Variants in SPACA7 observed in about 807,000 individuals in gnomAD.
SPACA7 encodes sperm acrosome associated 7.
SPACA7 carries 19 observed loss-of-function variants against 26.3 expected under a neutral mutation model. The ratio of observed to expected loss-of-function variants is 0.72; its 90% CI spans 0.50 to 1.06. SPACA7 has a LOEUF of 1.06. Ranked by LOEUF, SPACA7 falls within the 50% of genes least tolerant of loss-of-function variation. The pLI, the probability that SPACA7 is intolerant of heterozygous loss-of-function variation, is 0.00. For synonymous variants in SPACA7, 84 were observed against 84.5 expected, an observed-to-expected ratio of 0.99 and a Z score of 0.04; for missense variants, 211 against 229.9, an observed-to-expected ratio of 0.92 and a Z score of 0.53.
chr13:112,430,654 C>T (rs1009418446), intron 5 of SPACA7, among the ~76,000 whole-genome samples: 2 of 152,158 alleles, frequency 1.3e-5, no homozygotes, highest in East Asian at 1.9e-4. Flanking sequence ...AGCCTCAGTG[C>T]CCTTAGGAAG....
intron 5 of SPACA7, among the ~76,000 whole-genome samples, chr13:112,421,876 G>A (rs531379718): frequency 1.1e-4 from 16 of 152,150 alleles, no homozygotes; most frequent in Admixed American, 3.3e-4. Context: ...ACCAAATACC[G>A]CATGTTCTGA....
At position 112,383,372 on chromosome 13, in the gene SPACA7, C is replaced by G. The variant is rs1319968263; in HGVS notation, c.94+6893C>G. Among the ~76,000 whole-genome samples the G allele has an allele frequency of 3.3e-5, 5 of 152,062 alleles. No homozygotes were observed. The East Asian group carries it at 9.6e-4, about 29-fold the overall frequency. ...TTTTGGAAGCATAATTTTTCTCTCT[C>G]CAGTCCCTATTTTTTAAAGAAAAAC... On this transcript the variant is annotated intron_variant, in intron 1 of 6. Transcript: ENST00000283550.
At chr13:112,407,207 C>T (rs1178700660) in intron 5 of SPACA7, among the ~76,000 whole-genome samples, 2 of 152,180 alleles carry the variant, frequency 1.3e-5, no homozygotes, top group Admixed American at 6.5e-5. Flanking sequence ...TTCTGGGACA[C>T]ATTTAAAGCA....
chr13:112,409,519 G>GA (rs1414313530), intron 5 of SPACA7, among the ~76,000 whole-genome samples: 86 of 147,518 alleles, frequency 5.8e-4, no homozygotes, highest in Admixed American at 5.7e-3. Context: ...AAATTTACAA[G>GA]AAAAAAACAA....
chr13:112,390,126 G>A (rs1884781208), intron 1 of SPACA7, among the ~76,000 whole-genome samples: 1 of 127,984 alleles, frequency 7.8e-6, no homozygotes, highest in African/African-American at 2.6e-5. Flanking sequence ...GAAGAGAAGG[G>A]TGTAATGGGG....
chr13:112,427,724 T>C (rs951144887), intron 5 of SPACA7, among the ~76,000 whole-genome samples: 2 of 152,238 alleles, frequency 1.3e-5, no homozygotes, highest in Non-Finnish European at 2.9e-5. Flanking sequence ...ATTTATTTAA[T>C]AGATAGAGAG....
At chr13:112,384,096 A>G (rs1334611466) in intron 1 of SPACA7, among the ~76,000 whole-genome samples, 1 of 152,192 alleles carries the variant, frequency 6.6e-6, no homozygotes, top group Non-Finnish European at 1.5e-5. Flanking sequence ...TTAGTTTTCC[A>G]TAAGAGTTCT....
intron 5 of SPACA7, among the ~76,000 whole-genome samples, chr13:112,403,227 T>C (rs1458215827): frequency 6.6e-6 from 1 of 152,186 alleles, no homozygotes; most frequent in Non-Finnish European, 1.5e-5. Flanking sequence ...CCCTAGGAAG[T>C]TATCCACTTC....
chr13:112,395,909 AC>A (rs2138932418), intron 2 of SPACA7, among the ~76,000 whole-genome samples: 1 of 152,128 alleles, frequency 6.6e-6, no homozygotes, highest in Non-Finnish European at 1.5e-5. Flanking sequence ...CTTCATCTCT[AC>A]CTAAAGCGTT....
chr13:112,395,885 G>C (rs1272924741), intron 2 of SPACA7, among the ~76,000 whole-genome samples: 2 of 152,184 alleles, frequency 1.3e-5, no homozygotes, highest in Non-Finnish European at 2.9e-5. Flanking sequence ...TCCTAACCTT[G>C]TTCCACCTGC....
chr13:112,378,474 GAATGGT>G (rs1304212907), intron 1 of SPACA7, among the ~76,000 whole-genome samples: 2 of 152,160 alleles, frequency 1.3e-5, no homozygotes, highest in Admixed American at 6.5e-5. Context: ...AGTGCAGCAA[GAATGGT>G]AATGGACCAC....
At chr13:112,415,912 C>T (rs1365862828) in intron 5 of SPACA7, among the ~76,000 whole-genome samples, 1 of 152,072 alleles carries the variant, frequency 6.6e-6, no homozygotes, top group African/African-American at 2.4e-5. Context: ...GGCCTGGAAT[C>T]AAGGACCACG....
intron 5 of SPACA7, among the ~76,000 whole-genome samples, chr13:112,420,610 G>A (rs1021580464): frequency 6.6e-6 from 1 of 152,018 alleles, no homozygotes; most frequent in Non-Finnish European, 1.5e-5. Context: ...ACATATCATT[G>A]AAATCACAGA....
At chr13:112,417,171 T>G (rs1393603772) in intron 5 of SPACA7, among the ~76,000 whole-genome samples, 1 of 152,186 alleles carries the variant, frequency 6.6e-6, no homozygotes, top group East Asian at 1.9e-4. Context: ...TCACCTATTA[T>G]TTTTCTATAA....
In SPACA7 at chr13:112,376,540, C is replaced by T. The variant is rs888426690; in HGVS notation, c.94+61C>T. 3.9e-6 allele frequency: 6 copies of T among 1,551,070 alleles called. No individual in the cohort carries two copies. In the African/African-American group the frequency reaches 4.1e-5, roughly 11 times the overall value. ...ACTGAACCAGGTGGGGAGCGGCGGC[C>T]TCTTCTCCCATGGGTTCCTCTTATT... On this transcript the variant is annotated intron_variant, in intron 1 of 6. Coordinates refer to ENST00000283550, the MANE Select transcript of SPACA7 (RefSeq NM_145248.5).
At chr13:112,384,374 G>A (rs1884396857) in intron 1 of SPACA7, among the ~76,000 whole-genome samples, 1 of 151,866 alleles carries the variant, frequency 6.6e-6, no homozygotes, top group Admixed American at 6.6e-5. Context: ...AATTATAGGA[G>A]TTTTACATAA....
chr13:112,397,938 T>A, intron 2 of SPACA7, 111 bp from the exon 3 acceptor site: 1 of 548,180 alleles, frequency 1.8e-6, no homozygotes, highest in Non-Finnish European at 3.1e-6. Context: ...TTCCTGTTTG[T>A]ACAGGAACTG....
intron 5 of SPACA7, among the ~76,000 whole-genome samples, chr13:112,408,499 C>A (rs1377730495): frequency 6.6e-6 from 1 of 151,838 alleles, no homozygotes; most frequent in Non-Finnish European, 1.5e-5. Context: ...TCTCCTTAAG[C>A]TGATAAGCAA....
At position 112,393,059 on chromosome 13, in the gene SPACA7, G is replaced by A. The variant is rs1479035163; in HGVS notation, c.133G>A (p.Asp45Asn). Residue 45 changes from aspartate (D) to asparagine (N), a missense_variant, in exon 2 of 7, where the codon GAT becomes AAT. Physicochemically the swap from Asp to Asn is conservative, Grantham distance 23. Coordinates refer to ENST00000283550, the MANE Select transcript of SPACA7 (RefSeq NM_145248.5). Reference sequence around the variant, plus strand: ...AATACCATTCAGTTCAAAACAGGAGGATATGTCTGAATTATTAGGTAAGGA... The same window carrying A: ...AATACCATTCAGTTCAAAACAGGAGAATATGTCTGAATTATTAGGTAAGGA... ...TEIPFSSKQE[D>N]MSELLDEILV... The A allele has an allele frequency of 1.2e-6, 2 of 1,613,016 alleles. No individual in the cohort carries two copies. Among genetic ancestry groups the A allele is most frequent in the South Asian group, 2.2e-5 (2 of 90,760 alleles).
Sources: allele counts gnomAD v4.1 joint callset (sites outside exome capture counted in the v4.1 genomes callset), GRCh38; gene constraint gnomAD v4.1.1; transcripts MANE v1.5; gene names NCBI Gene and HGNC (gene_info 2026-07-23, HGNC 2026-07-21).